Variants in ORMDL1 observed in about 807,000 individuals in gnomAD.
ORMDL1 encodes the protein ORMDL sphingolipid biosynthesis regulator 1, also known as ORM1-like protein 1.
A neutral mutation model predicts 13.0 loss-of-function variants in ORMDL1; 10 were observed. The observed-to-expected ratio is 0.77, with a 90% CI of 0.47 to 1.30. ORMDL1 has a LOEUF of 1.30. Among genes scored for constraint, ORMDL1 ranks in the 50% most tolerant of loss-of-function variants. ORMDL1 has a pLI of 0.00. For missense variants in ORMDL1, 171 were observed against 186.7 expected (o/e 0.92, Z 0.49); for synonymous variants, 61 against 63.9 (o/e 0.95, Z 0.22).
intron 3 of ORMDL1, among the ~76,000 whole-genome samples, chr2:189,779,017 T>A (rs535575119): frequency 2.0e-5 from 3 of 152,122 alleles, no homozygotes; most frequent in South Asian, 2.1e-4. Flanking sequence ...GACCCCCATC[T>A]CAATCAGTCA....
chr2:189,776,648 T>C (rs961977218), intron 3 of ORMDL1, among the ~76,000 whole-genome samples: 3 of 152,202 alleles, frequency 2.0e-5, no homozygotes, highest in Admixed American at 6.5e-5. Flanking sequence ...TTTTATATGA[T>C]ACCAACTTAA....
downstream of ORMDL1, among the ~76,000 whole-genome samples, chr2:189,768,498 CAA>C (rs1472439134): frequency 2.0e-5 from 3 of 152,098 alleles, no homozygotes; most frequent in Non-Finnish European, 4.4e-5. Context: ...TTTAGCTAGA[CAA>C]GATGAATCAA....
chr2:189,767,220 T>C (rs1288105481), downstream of ORMDL1, among the ~76,000 whole-genome samples: 1 of 152,216 alleles, frequency 6.6e-6, no homozygotes. Flanking sequence ...CTATGTGTGG[T>C]TTTGGCAGGG....
At chr2:189,783,998 C>T (rs1312094470) in intron 1 of ORMDL1, 1 of 152,500 alleles carries the variant, frequency 6.6e-6, no homozygotes, top group Admixed American at 6.5e-5. Context: ...CCAGAGAAAA[C>T]TCAGCAAAAG....
downstream of ORMDL1, among the ~76,000 whole-genome samples, chr2:189,767,393 A>G (rs1307856757): frequency 1.3e-5 from 2 of 152,230 alleles, no homozygotes; most frequent in African/African-American, 4.8e-5. Flanking sequence ...TTCCCCCTGT[A>G]AAAATTATAA....
chr2:189,767,954 C>T (rs1366230041), downstream of ORMDL1, among the ~76,000 whole-genome samples: 1 of 152,146 alleles, frequency 6.6e-6, no homozygotes, highest in East Asian at 1.9e-4. Flanking sequence ...AGCCCTGTGT[C>T]CTATATACTT....
At chr2:189,768,679 TA>T (rs533008830), downstream of ORMDL1, among the ~76,000 whole-genome samples, 74 of 152,178 alleles carry the variant, frequency 4.9e-4, no homozygotes, top group African/African-American at 1.6e-3. Flanking sequence ...GTTGTCAAAA[TA>T]AAAAACTAAA....
intron 3 of ORMDL1, among the ~76,000 whole-genome samples, chr2:189,777,423 C>G (rs559575198): frequency 7.8e-4 from 118 of 152,248 alleles, no homozygotes; most frequent in Non-Finnish European, 1.4e-3. Flanking sequence ...AACATCTATT[C>G]CAGACCACAT....
chr2:189,767,570 T>TAA (rs2047502835), downstream of ORMDL1, among the ~76,000 whole-genome samples: 1 of 152,248 alleles, frequency 6.6e-6, no homozygotes, highest in Non-Finnish European at 1.5e-5. Context: ...TCATACTTTA[T>TAA]ATCTTAAAAC....
intron 3 of ORMDL1, among the ~76,000 whole-genome samples, chr2:189,778,808 T>A (rs2047756896): frequency 6.6e-6 from 1 of 152,010 alleles, no homozygotes; most frequent in Non-Finnish European, 1.5e-5. Flanking sequence ...GGCAGGAGAA[T>A]TGCTTGAACC....
At chr2:189,775,875 T>C (rs1032013327) in intron 3 of ORMDL1, among the ~76,000 whole-genome samples, 159 bp from the exon 4 acceptor site, 2 of 152,198 alleles carry the variant, frequency 1.3e-5, no homozygotes, top group African/African-American at 4.8e-5. Flanking sequence ...AGCCAGTTTC[T>C]TTATAATAAA....
chr2:189,782,275 C>G lies in ORMDL1; in HGVS notation c.174+147G>C, dbSNP rs2047863590. On this transcript the variant is annotated intron_variant, in intron 3 of 4. Transcript: ENST00000392349. ...TATTGTTGTGCAATCATCACCATTA[C>G]CATCCACATCCAGAACTCTCTTCAT... 8.0e-6 allele frequency: 5 copies of G among 624,956 alleles called. No homozygotes were observed. In the Admixed American group the frequency reaches 1.2e-4, roughly 15 times the overall value. 38.7% of individuals were successfully genotyped at this position (624,956 alleles called of 1,614,324 possible). A position where few individuals can be genotyped will look rare whatever the true frequency, so the allele number is the denominator to read the frequency against.
chr2:189,771,839 A>G lies in ORMDL1; in HGVS notation c.390T>C (p.Ser130=), dbSNP rs771352456. 5.0e-6 allele frequency: 8 copies of G among 1,610,814 alleles called. 1 individual carries two copies. In the South Asian group the frequency reaches 8.8e-5, roughly 18 times the overall value. ...DPTHFILNTA[S]LLSVLIPKMP... ...TTTTGGGAATTAGTACACTCAGGAGAGAAGCTGTGTTTAGGATGAAGTGAG... is the reference window on the plus strand; with the variant it reads ...TTTTGGGAATTAGTACACTCAGGAGGGAAGCTGTGTTTAGGATGAAGTGAG... The change falls in exon 5 of 5, where the codon TCT becomes TCC. Residue 130 remains serine, a synonymous_variant. Transcript: ENST00000392349.
At chr2:189,768,996 CA>C (rs1165289335), downstream of ORMDL1, among the ~76,000 whole-genome samples, 1 of 151,836 alleles carries the variant, frequency 6.6e-6, no homozygotes, top group African/African-American at 2.4e-5. Context: ...AATTCTATTA[CA>C]AAAATAGAAT....
In ORMDL1 at chr2:189,771,861, T is replaced by C. The variant is rs1011708060; in HGVS notation, c.368A>G (p.His123Arg). 5 of 1,608,458 alleles carry C rather than the reference T, an allele frequency of 3.1e-6. No individual in the cohort carries two copies. In the Admixed American group the frequency reaches 5.0e-5, roughly 16 times the overall value. The change falls in exon 5 of 5, where the codon CAC (histidine) becomes CGC (arginine). Residue 123 changes from histidine to arginine, a missense_variant. By Grantham distance (29) the His-to-Arg change is conservative. Coordinates refer to ENST00000392349, the MANE Select transcript of ORMDL1 (RefSeq NM_016467.5). ...GAGAGAAGCTGTGTTTAGGATGAAG[T>C]GAGTTGGATCATACTTCGTATAGAA... ...ASFYTKYDPT[H>R]FILNTASLLS... is the part of the protein sequence containing the mutation.
downstream of ORMDL1, among the ~76,000 whole-genome samples, chr2:189,765,838 CATT>C (rs1359778505): frequency 5.8e-5 from 7 of 121,510 alleles, no homozygotes; most frequent in Non-Finnish European, 1.3e-4. Flanking sequence ...TTACTTTCTC[CATT>C]TTTTTTTTTT....
intron 4 of ORMDL1, among the ~76,000 whole-genome samples, chr2:189,773,119 AG>A (rs772853072): frequency 1.3e-5 from 2 of 152,246 alleles, no homozygotes; most frequent in Non-Finnish European, 2.9e-5. Flanking sequence ...ATAATCTGAT[AG>A]GTTAGAAATA....
chr2:189,768,944 A>T (rs980665175), downstream of ORMDL1, among the ~76,000 whole-genome samples: 1 of 152,228 alleles, frequency 6.6e-6, no homozygotes, highest in African/African-American at 2.4e-5. Flanking sequence ...TTGAAGAGTT[A>T]TGTAAAGATT....
chr2:189,769,170 T>C (rs181249250), downstream of ORMDL1, among the ~76,000 whole-genome samples: 223 of 152,150 alleles, frequency 1.5e-3, no homozygotes, highest in African/African-American at 4.9e-3. Flanking sequence ...GGCAGATCAC[T>C]TGAGGTCAGG....
Sources: allele counts gnomAD v4.1 joint callset (sites outside exome capture counted in the v4.1 genomes callset), GRCh38; gene constraint gnomAD v4.1.1; transcripts MANE v1.5; gene names NCBI Gene and HGNC (gene_info 2026-07-23, HGNC 2026-07-21).